The following SHISA6 variants were observed in gnomAD, a reference collection of about 807,000 sequenced individuals.
SHISA6 encodes the protein shisa family member 6, also known as protein shisa-6.
SHISA6 carries 22 observed loss-of-function variants against 47.9 expected under a neutral mutation model. The observed-to-expected ratio is 0.46, with a 90% CI of 0.33 to 0.66. SHISA6 has a LOEUF of 0.66. Ranked by LOEUF, SHISA6 falls within the 30% of genes least tolerant of loss-of-function variation. SHISA6 has a pLI of 0.02. For synonymous variants in SHISA6, 388 were observed against 337.8 expected (o/e 1.15, Z -1.63); for missense variants, 680 against 764.6 (o/e 0.89, Z 1.30).
intron 3 of SHISA6, among the ~76,000 whole-genome samples, chr17:11,418,293 C>T (rs1191102163): frequency 6.6e-6 from 1 of 152,174 alleles, no homozygotes; most frequent in Non-Finnish European, 1.5e-5. Context: ...CCACTCCATA[C>T]AGGGTAAGTC....
chr17:11,474,381 A>T (rs1037758669), intron 3 of SHISA6, among the ~76,000 whole-genome samples: 3 of 143,778 alleles, frequency 2.1e-5, no homozygotes, highest in African/African-American at 5.1e-5. Flanking sequence ...GTGTCTGTTC[A>T]TATCCTTTGC....
In SHISA6 at chr17:11,314,504, T is replaced by C. The variant is rs551741132; in HGVS notation, c.799+50978T>C. Among the ~76,000 whole-genome samples the C allele has an allele frequency of 7.9e-5, 12 of 151,832 alleles. No individual in the cohort carries two copies. The South Asian group carries it at 2.1e-3, about 26-fold the overall frequency. ...ATATATACATGTTCACTGTGTACTT[T>C]TACGTCATTCCATACTGTTTTTTCA... On this transcript the variant is annotated intron_variant, in intron 2 of 5. Transcript: ENST00000441885.
chr17:11,268,249 C>A (rs1908504267), intron 2 of SHISA6, among the ~76,000 whole-genome samples: 1 of 152,106 alleles, frequency 6.6e-6, no homozygotes, highest in South Asian at 2.1e-4. Context: ...AAAGCCATAT[C>A]CATTAATGGC....
chr17:11,292,293 T>G (rs925271268), intron 2 of SHISA6, among the ~76,000 whole-genome samples: 32 of 152,112 alleles, frequency 2.1e-4, no homozygotes, highest in African/African-American at 7.2e-4. Context: ...CCTTTCCCCC[T>G]ACTCTGCAAC....
At chr17:11,412,666 C>T (rs148010332) in intron 3 of SHISA6, among the ~76,000 whole-genome samples, 2,081 of 152,136 alleles carry the variant, frequency 0.014, 24 homozygotes, top group South Asian at 0.022. Context: ...CTCAGCCTCC[C>T]AAGTAGCTGG....
At chr17:11,552,530 TA>T (rs2071940386) in intron 4 of SHISA6, among the ~76,000 whole-genome samples, 1 of 152,212 alleles carries the variant, frequency 6.6e-6, no homozygotes, top group African/African-American at 2.4e-5. Flanking sequence ...AGAGAAAATC[TA>T]TTTTTGGCAC....
At chr17:11,327,727 G>C (rs1910949293) in intron 2 of SHISA6, among the ~76,000 whole-genome samples, 1 of 152,216 alleles carries the variant, frequency 6.6e-6, no homozygotes, top group Non-Finnish European at 1.5e-5. Flanking sequence ...AACCTGGGAG[G>C]CAGAGGTTGC....
chr17:11,481,612 C>T (rs1299338837), intron 3 of SHISA6, among the ~76,000 whole-genome samples: 1 of 151,464 alleles, frequency 6.6e-6, no homozygotes, highest in African/African-American at 2.4e-5. Context: ...TCTGCCTTAG[C>T]CTCCAGAGTA....
intron 3 of SHISA6, among the ~76,000 whole-genome samples, chr17:11,393,649 T>G (rs1913465913): frequency 6.6e-6 from 1 of 152,208 alleles, no homozygotes; most frequent in Admixed American, 6.5e-5. Context: ...GGAACAGTGC[T>G]TGCCCATCAT....
At chr17:11,490,525 T>A (rs188319338) in intron 3 of SHISA6, among the ~76,000 whole-genome samples, 2 of 152,150 alleles carry the variant, frequency 1.3e-5, no homozygotes, top group East Asian at 3.9e-4. Flanking sequence ...GATTTTAATG[T>A]GAGTCTAATT....
At chr17:11,393,742 C>G (rs2142257821) in intron 3 of SHISA6, among the ~76,000 whole-genome samples, 1 of 152,306 alleles carries the variant, frequency 6.6e-6, no homozygotes, top group South Asian at 2.1e-4. Flanking sequence ...AAAAACATGA[C>G]TCAGAATCAA....
At chr17:11,445,845 T>C (rs151285488) in intron 3 of SHISA6, among the ~76,000 whole-genome samples, 28 of 152,334 alleles carry the variant, frequency 1.8e-4, no homozygotes, top group Non-Finnish European at 3.8e-4. Flanking sequence ...TTTTATTTTT[T>C]GAAACAGAGT....
intron 3 of SHISA6, among the ~76,000 whole-genome samples, chr17:11,416,079 T>C (rs1914271683): frequency 6.6e-6 from 1 of 152,074 alleles, no homozygotes; most frequent in African/African-American, 2.4e-5. Context: ...CTAATTCCAT[T>C]TGGGGGGTGG....
rs1908073378 is a variant in SHISA6 at position 11,257,758 on chromosome 17, C to A, written c.639-5608C>A. On this transcript the variant is annotated intron_variant, in intron 1 of 5. Coordinates refer to ENST00000441885, the MANE Select transcript of SHISA6 (RefSeq NM_207386.4). Reference sequence around the variant, plus strand: ...CTCAGTTATCTGGGACTCAAATAACCCATATCCTTTATTTAACTGGAATAA... The same window carrying A: ...CTCAGTTATCTGGGACTCAAATAACACATATCCTTTATTTAACTGGAATAA... Among the ~76,000 whole-genome samples, 3 of 151,954 alleles carry A rather than the reference C, an allele frequency of 2.0e-5. No homozygotes were observed. In the East Asian group the frequency reaches 5.8e-4, roughly 29 times the overall value.
chr17:11,287,661 A>G lies in SHISA6; in HGVS notation c.799+24135A>G, dbSNP rs372707665. Reference sequence around the variant, plus strand: ...GCATTCTAGCCTAGGTGACAGAGACAGACCTTGTCAGAAAGAGAGAGAGAG... The same window carrying G: ...GCATTCTAGCCTAGGTGACAGAGACGGACCTTGTCAGAAAGAGAGAGAGAG... On this transcript the variant is annotated intron_variant, in intron 2 of 5. Coordinates refer to ENST00000441885, the MANE Select transcript of SHISA6 (RefSeq NM_207386.4). Among the ~76,000 whole-genome samples the G allele has an allele frequency of 1.6e-4, 22 of 137,246 alleles. No homozygotes were observed. The South Asian group carries it at 4.3e-3, about 27-fold the overall frequency. The allele number at this position is 137,246 out of a possible 152,430, so 90.0% of individuals were successfully genotyped here.
rs532452336 is a variant in SHISA6 at position 11,327,654 on chromosome 17, G to A, written c.800-51760G>A. On this transcript the variant is annotated intron_variant, in intron 2 of 5. Coordinates refer to ENST00000441885, the MANE Select transcript of SHISA6 (RefSeq NM_207386.4). Reference sequence around the variant, plus strand: ...TCCACTAAAAATAAAAAAATTAGCCGGGTGTGGTGGTGGGTGCCTGTAATC... The same window carrying A: ...TCCACTAAAAATAAAAAAATTAGCCAGGTGTGGTGGTGGGTGCCTGTAATC... 6.2e-4 allele frequency among the ~76,000 whole-genome samples: 94 copies of A among 152,258 alleles called. 1 individual carries two copies. The highest frequency in any genetic ancestry group is 2.1e-3 in the African/African-American group (86 of 41,566).
chr17:11,550,032 A>ACC (rs1423714701), intron 3 of SHISA6, among the ~76,000 whole-genome samples: 2 of 149,792 alleles, frequency 1.3e-5, no homozygotes, highest in Non-Finnish European at 3.0e-5. Context: ...TCCCAAACCC[A>ACC]CCCCCACTGG....
At chr17:11,296,380 G>A (rs1909752006) in intron 2 of SHISA6, among the ~76,000 whole-genome samples, 1 of 152,182 alleles carries the variant, frequency 6.6e-6, no homozygotes, top group Non-Finnish European at 1.5e-5. Context: ...CAGAGAATGG[G>A]AAGGCTACCA....
intron 2 of SHISA6, among the ~76,000 whole-genome samples, chr17:11,307,983 C>T (rs1331968774): frequency 3.3e-5 from 5 of 152,104 alleles, no homozygotes; most frequent in South Asian, 2.1e-4. Context: ...CAGTTTCTTC[C>T]GGTGCCTCCA....
Sources: gnomAD v4.1 joint callset for allele counts (sites outside exome capture counted in the v4.1 genomes callset) on GRCh38, gnomAD v4.1.1 for gene constraint, MANE v1.5 for transcripts, NCBI Gene and HGNC (gene_info 2026-07-23, HGNC 2026-07-21) for gene names.